The following EEF1AKMT1 variants were observed in gnomAD, a reference collection of about 807,000 sequenced individuals.
EEF1AKMT1 encodes N-6 adenine-specific DNA methyltransferase 2 (putative).
A neutral mutation model predicts 21.0 loss-of-function variants in EEF1AKMT1; 18 were observed. That is an observed-to-expected ratio of 0.86 (90% CI 0.59 to 1.27). EEF1AKMT1 has a LOEUF of 1.27. EEF1AKMT1 is among the 50% of genes most tolerant of loss of function. The pLI is 0.00. For synonymous variants in EEF1AKMT1, 109 were observed against 94.8 expected (o/e 1.15, Z -0.87); for missense variants, 246 against 258.6 (o/e 0.95, Z 0.33).
At chr13:20,754,646 T>A (rs997852988) in intron 2 of EEF1AKMT1, among the ~76,000 whole-genome samples, 6 of 151,434 alleles carry the variant, frequency 4.0e-5, no homozygotes, top group Non-Finnish European at 8.8e-5. Context: ...CAGTAGCTCC[T>A]GCCTGTAATC....
intron 1 of EEF1AKMT1, among the ~76,000 whole-genome samples, chr13:20,760,248 G>A (rs1383227176): frequency 6.6e-6 from 1 of 152,030 alleles, no homozygotes; most frequent in Non-Finnish European, 1.5e-5. Flanking sequence ...GCTGTTTATT[G>A]CAGGACTATT....
At chr13:20,738,820 G>T (rs944053) in intron 2 of EEF1AKMT1, among the ~76,000 whole-genome samples, 1 of 152,224 alleles carries the variant, frequency 6.6e-6, no homozygotes, top group Admixed American at 6.5e-5. Flanking sequence ...CAGGTGTTGG[G>T]AGGATTGAGG....
At chr13:20,738,929 G>A (rs2058847108) in intron 2 of EEF1AKMT1, among the ~76,000 whole-genome samples, 1 of 152,182 alleles carries the variant, frequency 6.6e-6, no homozygotes, top group Non-Finnish European at 1.5e-5. Context: ...CGGAATTGGT[G>A]GGTTCTTGGT....
intron 1 of EEF1AKMT1, among the ~76,000 whole-genome samples, chr13:20,770,707 A>AT (rs1265353867): frequency 6.6e-6 from 1 of 152,194 alleles, no homozygotes; most frequent in Non-Finnish European, 1.5e-5. Flanking sequence ...GTAAAAGCCA[A>AT]TATTGCCTGG....
chr13:20,739,026 G>C (rs1445209052), intron 2 of EEF1AKMT1, among the ~76,000 whole-genome samples: 2 of 152,118 alleles, frequency 1.3e-5, no homozygotes, highest in African/African-American at 2.4e-5. Context: ...CCTTCCTTCT[G>C]ATGTTCAGAC....
rs576289187 is a variant in EEF1AKMT1, at chr13:20,739,130, G to A, written c.145-1325C>T. On this transcript the variant is annotated intron_variant, in intron 2 of 4. Coordinates refer to ENST00000382758, the MANE Select transcript of EEF1AKMT1 (RefSeq NM_001318939.2). ...TCGCCAAGAGGATTACAACTCCTAA[G>A]ATGGCACATCTGGAGTTGGTAGTTC... Among the ~76,000 whole-genome samples the A allele has an allele frequency of 2.8e-4, 42 of 152,208 alleles. No individual in the cohort carries two copies. In the South Asian group the frequency reaches 4.1e-3, roughly 15 times the overall value.
At chr13:20,738,849 G>A (rs1039965830) in intron 2 of EEF1AKMT1, among the ~76,000 whole-genome samples, 1 of 152,192 alleles carries the variant, frequency 6.6e-6, no homozygotes, top group Non-Finnish European at 1.5e-5. Context: ...GGTGACAGCT[G>A]AAAAACATAT....
At chr13:20,750,927 A>C (rs1413323319) in intron 2 of EEF1AKMT1, among the ~76,000 whole-genome samples, 2 of 152,164 alleles carry the variant, frequency 1.3e-5, no homozygotes, top group Non-Finnish European at 2.9e-5. Context: ...CATAACTTTA[A>C]TGATTAGTAA....
At chr13:20,764,879 CAACACA>C (rs1208784702) in intron 1 of EEF1AKMT1, among the ~76,000 whole-genome samples, 1 of 59,156 alleles carries the variant, frequency 1.7e-5, no homozygotes, top group Non-Finnish European at 3.3e-5. Flanking sequence ...CTTTCACTTT[CAACACA>C]CACACACACA....
Position 20,728,782 on chromosome 13 carries a change from C to T in EEF1AKMT1, c.*298G>A. The T allele has an allele frequency of 2.7e-6, 1 of 376,832 alleles. No individual in the cohort carries two copies. Among genetic ancestry groups the T allele is most frequent in the Non-Finnish European group, 5.0e-6 (1 of 201,482 alleles). The allele number at this position is 376,832 out of a possible 1,614,324, so 23.3% of individuals were successfully genotyped here. Reference sequence around the variant, plus strand: ...CCTGTCTCATTCAGGAGCCCTTGGGCAAGCCACACAACTGTTCTTCTGTTT... The same window carrying T: ...CCTGTCTCATTCAGGAGCCCTTGGGTAAGCCACACAACTGTTCTTCTGTTT... On this transcript the variant is annotated 3_prime_UTR_variant, in exon 5 of 5. Coordinates refer to ENST00000382758, the MANE Select transcript of EEF1AKMT1 (RefSeq NM_001318939.2).
intron 1 of EEF1AKMT1, among the ~76,000 whole-genome samples, chr13:20,768,093 T>C (rs2141440956): frequency 6.6e-6 from 1 of 152,348 alleles, no homozygotes; most frequent in South Asian, 2.1e-4. Flanking sequence ...AACATATATC[T>C]ATTCTGGGTC....
chr13:20,751,887 T>G (rs558374651), intron 2 of EEF1AKMT1, among the ~76,000 whole-genome samples: 1 of 152,170 alleles, frequency 6.6e-6, no homozygotes, highest in Non-Finnish European at 1.5e-5. Flanking sequence ...TATTACTAGG[T>G]ATTTCTTTTT....
chr13:20,750,739 T>C (rs1287285728), intron 2 of EEF1AKMT1, among the ~76,000 whole-genome samples: 1 of 152,202 alleles, frequency 6.6e-6, no homozygotes, highest in East Asian at 1.9e-4. Flanking sequence ...TAATTCTGGT[T>C]TTAGTTTTTT....
intron 2 of EEF1AKMT1, among the ~76,000 whole-genome samples, chr13:20,755,654 G>T (rs1050882420): frequency 3.3e-5 from 5 of 152,162 alleles, no homozygotes; most frequent in African/African-American, 1.2e-4. Flanking sequence ...TAGTCTATTT[G>T]AAGTGAGATT....
chr13:20,754,741 C>CAAAAAAAAAAAAAA (rs56777421), intron 2 of EEF1AKMT1, among the ~76,000 whole-genome samples: 1 of 116,582 alleles, frequency 8.6e-6, no homozygotes, highest in African/African-American at 3.3e-5. Context: ...ACCAAAAATA[C>CAAAAAAAAAAAAAA]AAAAAAAAAA....
intron 1 of EEF1AKMT1, among the ~76,000 whole-genome samples, chr13:20,758,876 A>C (rs1253964455): frequency 6.6e-6 from 1 of 152,200 alleles, no homozygotes; most frequent in East Asian, 1.9e-4. Context: ...ACACACGTAC[A>C]ATCAACTGGT....
chr13:20,762,675 G>T (rs927632024), intron 1 of EEF1AKMT1, among the ~76,000 whole-genome samples: 12 of 151,864 alleles, frequency 7.9e-5, no homozygotes, highest in African/African-American at 2.9e-4. Flanking sequence ...CACCATGCCC[G>T]GCTAACATTT....
intron 1 of EEF1AKMT1, among the ~76,000 whole-genome samples, chr13:20,768,496 ATCTTCCAGTAGTT>A (rs1478528585): frequency 6.6e-6 from 1 of 152,126 alleles, no homozygotes; most frequent in Non-Finnish European, 1.5e-5. Flanking sequence ...TTATTTCCCT[ATCTTCCAGTAGTT>A]TCTCAAGGAG....
intron 2 of EEF1AKMT1, among the ~76,000 whole-genome samples, chr13:20,748,728 T>TGTTGTTGTTG (rs1412112016): frequency 8.1e-5 from 10 of 122,746 alleles, no homozygotes; most frequent in Non-Finnish European, 1.4e-4. Context: ...TTTTTTTGGT[T>TGTTGTTGTTG]TTTTTTTTTT....
Sources: gnomAD v4.1 joint callset for allele counts (sites outside exome capture counted in the v4.1 genomes callset) on GRCh38, gnomAD v4.1.1 for gene constraint, MANE v1.5 for transcripts, NCBI Gene and HGNC (gene_info 2026-07-23, HGNC 2026-07-21) for gene names.